Variants in ARHGEF3 observed in about 807,000 individuals in gnomAD.
The protein encoded by ARHGEF3 is 59.8 kDA protein.
Under a neutral mutation model 63.2 loss-of-function variants are expected in ARHGEF3, and 28 were observed. The ratio of observed to expected loss-of-function variants is 0.44; its 90% confidence interval spans 0.33 to 0.61. ARHGEF3 has a LOEUF of 0.61. ARHGEF3 is among the 20% of genes least tolerant of loss of function. The probability of loss-of-function intolerance (pLI) is 0.03; values close to 1 mark genes in which losing one functional copy is unlikely to be tolerated. For missense variants in ARHGEF3, 533 were observed against 659.3 expected (o/e 0.81, Z 2.10); for synonymous variants, 266 against 254.2 (o/e 1.05, Z -0.44).
chr3:56,812,062 C>T (rs959773688), intron 4 of ARHGEF3, among the ~76,000 whole-genome samples: 3 of 152,166 alleles, frequency 2.0e-5, no homozygotes, highest in Admixed American at 6.5e-5. Context: ...CCTCCTATTA[C>T]GCTGGCACAT....
chr3:56,943,508 G>A (rs1004265976), intron 3 of ARHGEF3, among the ~76,000 whole-genome samples: 21 of 152,124 alleles, frequency 1.4e-4, no homozygotes, highest in African/African-American at 3.6e-4. Context: ...CGAGAGCTTC[G>A]ATAGAGCTCT....
In ARHGEF3 at chr3:56,930,169, T is replaced by A. The variant is rs1207916182; in HGVS notation, c.129+28654A>T. ...TTCATCTAATCCAAAGCATTTTTTTTAATGGCTGGAGTTGGCTGTCCTGTC... is the reference window on the plus strand; with the variant it reads ...TTCATCTAATCCAAAGCATTTTTTTAAATGGCTGGAGTTGGCTGTCCTGTC... On this transcript the variant is annotated intron_variant, in intron 3 of 12. Coordinates refer to the ARHGEF3 transcript ENST00000338458. Among the ~76,000 whole-genome samples, 4 of 152,148 alleles carry A rather than the reference T, an allele frequency of 2.6e-5. No individual in the cohort carries two copies. The East Asian group carries it at 5.8e-4, about 22-fold the overall frequency.
chr3:57,029,429 CAA>C (rs58665707), intron 2 of ARHGEF3, among the ~76,000 whole-genome samples: 2 of 141,072 alleles, frequency 1.4e-5, no homozygotes. Context: ...AACTCCGTCT[CAA>C]AAAAAAAAAA....
At chr3:56,743,947 G>T (rs1578392013) in intron 7 of ARHGEF3, among the ~76,000 whole-genome samples, 1 of 152,140 alleles carries the variant, frequency 6.6e-6, no homozygotes, top group Middle Eastern at 3.4e-3. Context: ...GCTTGTAAAT[G>T]ATGGAGCTGG....
chr3:56,745,231 G>C lies in ARHGEF3; in HGVS notation c.844C>G (p.Pro282Ala), dbSNP rs2034302918. 6.2e-7 allele frequency: 1 copy of C among 1,613,990 alleles called. No individual in the cohort carries two copies. Among genetic ancestry groups the C allele is most frequent in the Non-Finnish European group, 8.5e-7 (1 of 1,179,976 alleles). The change falls in exon 7 of 10, where the codon CCA (proline) becomes GCA (alanine). Residue 282 changes from proline to alanine, a missense_variant. Physicochemically the swap from Pro to Ala is conservative, Grantham distance 27. This residue lies in a region of ARHGEF3 where 107 missense variants were observed against 207.9 expected (regional missense o/e 0.51). Coordinates refer to ENST00000296315, the MANE Select transcript of ARHGEF3 (RefSeq NM_019555.3). ...GCTTCTTCCAAGTGCTGCTGATCTGGATTATCATTTGGTGTGTGCCTCAAG... is the reference window on the plus strand; with the variant it reads ...GCTTCTTCCAAGTGCTGCTGATCTGCATTATCATTTGGTGTGTGCCTCAAG... ...EILRHTPNDN[P>A]DQQHLEEAIN...
intron 3 of ARHGEF3, among the ~76,000 whole-genome samples, chr3:56,933,410 T>TA (rs2042464783): frequency 6.6e-6 from 1 of 150,508 alleles, no homozygotes; most frequent in Non-Finnish European, 1.5e-5. Flanking sequence ...TTTTTTTTTT[T>TA]ACTTTTTTTT....
intron 4 of ARHGEF3, among the ~76,000 whole-genome samples, chr3:56,872,274 A>G (rs956467520): frequency 1.3e-5 from 2 of 152,144 alleles, no homozygotes; most frequent in African/African-American, 4.8e-5. Context: ...CCATTCTCCC[A>G]ATCTAAGGAC....
intron 4 of ARHGEF3, among the ~76,000 whole-genome samples, chr3:56,828,139 G>T (rs2038799884): frequency 1.3e-5 from 2 of 152,058 alleles, no homozygotes; most frequent in Admixed American, 1.3e-4. Flanking sequence ...CTGTTTTACA[G>T]ATGAGGAAAC....
chr3:56,849,927 C>T (rs371878983), intron 4 of ARHGEF3, among the ~76,000 whole-genome samples: 25 of 152,244 alleles, frequency 1.6e-4, no homozygotes, highest in Admixed American at 1.4e-3. Context: ...TTGGAAAACA[C>T]GCCTTACCAA....
At chr3:56,847,814 G>A (rs2039539349) in intron 4 of ARHGEF3, among the ~76,000 whole-genome samples, 1 of 152,180 alleles carries the variant, frequency 6.6e-6, no homozygotes, top group Non-Finnish European at 1.5e-5. Flanking sequence ...CTGACCTCAG[G>A]CAGTCCTCCC....
At chr3:56,992,865 ACT>A (rs1220202570) in intron 2 of ARHGEF3, among the ~76,000 whole-genome samples, 3 of 152,080 alleles carry the variant, frequency 2.0e-5, no homozygotes, top group Non-Finnish European at 4.4e-5. Context: ...ATGGAGACTC[ACT>A]CTGTTGCCTA....
At chr3:56,800,874 G>A (rs891531868) in intron 1 of ARHGEF3, among the ~76,000 whole-genome samples, 2 of 152,170 alleles carry the variant, frequency 1.3e-5, no homozygotes, top group Non-Finnish European at 2.9e-5. Flanking sequence ...TATTCCCTAA[G>A]ACCCTCAAAG....
At chr3:57,063,117 A>G (rs1280625454) in intron 1 of ARHGEF3, among the ~76,000 whole-genome samples, 1 of 152,198 alleles carries the variant, frequency 6.6e-6, no homozygotes, top group Non-Finnish European at 1.5e-5. Context: ...CTCTGCAGAT[A>G]TTGGGAGAGG....
chr3:56,770,445 TTAAAA>T (rs1290114473), intron 2 of ARHGEF3, among the ~76,000 whole-genome samples: 1 of 148,388 alleles, frequency 6.7e-6, no homozygotes, highest in South Asian at 2.2e-4. Context: ...TTAAATTAAA[TTAAAA>T]TAAAATGAAA....
At chr3:56,759,444 C>T (rs1364181796) in intron 2 of ARHGEF3, among the ~76,000 whole-genome samples, 2 of 152,236 alleles carry the variant, frequency 1.3e-5, no homozygotes, top group African/African-American at 4.8e-5. Context: ...GCTGGGATTA[C>T]AGGCGTGAGC....
intron 3 of ARHGEF3, among the ~76,000 whole-genome samples, chr3:56,903,634 T>C (rs975001118): frequency 6.6e-6 from 1 of 152,200 alleles, no homozygotes; most frequent in African/African-American, 2.4e-5. Flanking sequence ...GCTGCAGCCC[T>C]GCTAGCTCAC....
chr3:56,863,609 T>C (rs1340673708), intron 4 of ARHGEF3, among the ~76,000 whole-genome samples: 1 of 151,638 alleles, frequency 6.6e-6, no homozygotes, highest in Non-Finnish European at 1.5e-5. Flanking sequence ...CATTTTTGTA[T>C]TTTTTAGTAG....
At chr3:56,998,188 A>G (rs1439659135) in intron 2 of ARHGEF3, among the ~76,000 whole-genome samples, 1 of 152,154 alleles carries the variant, frequency 6.6e-6, no homozygotes, top group Non-Finnish European at 1.5e-5. Flanking sequence ...TCACTCTTTT[A>G]TTCAATCCAC....
intron 4 of ARHGEF3, among the ~76,000 whole-genome samples, chr3:56,819,303 T>C (rs1256019546): frequency 2.0e-5 from 3 of 152,168 alleles, no homozygotes; most frequent in African/African-American, 4.8e-5. Context: ...TTAAAAAGCT[T>C]TGTGTATCTT....
Sources: allele counts gnomAD v4.1 joint callset (sites outside exome capture counted in the v4.1 genomes callset), GRCh38; gene constraint gnomAD v4.1.1; regional missense constraint gnomAD v4.1.1; transcripts MANE v1.5; gene names NCBI Gene and HGNC (gene_info 2026-07-23, HGNC 2026-07-21).